Variants in SNX7 observed in about 807,000 individuals in gnomAD.
The protein encoded by SNX7 is sorting nexin-7.
A neutral mutation model predicts 48.4 loss-of-function variants in SNX7; 35 were observed. The ratio of observed to expected loss-of-function variants is 0.72; its 90% CI spans 0.55 to 0.96. SNX7 has a LOEUF of 0.96. SNX7 is among the 40% of genes least tolerant of loss of function. SNX7 has a pLI of 0.00. For synonymous variants in SNX7, 190 were observed against 190.2 expected, an observed-to-expected ratio of 1.00 and a Z score of 0.01; for missense variants, 553 against 548.9, an observed-to-expected ratio of 1.01 and a Z score of -0.07.
At chr1:98,688,258 A>G (rs1468144470) in intron 2 of SNX7, among the ~76,000 whole-genome samples, 1 of 152,206 alleles carries the variant, frequency 6.6e-6, no homozygotes, top group Non-Finnish European at 1.5e-5. Context: ...GGAATACTTA[A>G]GAATGATCCA....
chr1:98,751,413 A>G lies in SNX7; in HGVS notation c.1279-8641A>G, dbSNP rs78223109. ...CCATCTGTGTGTACTGCATTTAGGA[A>G]GGTTTTCAGCCTGTGTGTAGAAACA... is the stretch of plus-strand genomic sequence containing the variant. On this transcript the variant is annotated intron_variant, in intron 8 of 8. Coordinates refer to ENST00000306121, the MANE Select transcript of SNX7 (RefSeq NM_015976.5). 2.2e-4 allele frequency among the ~76,000 whole-genome samples: 33 copies of G among 152,134 alleles called. 1 individual carries two copies. In the East Asian group the frequency reaches 6.0e-3, roughly 28 times the overall value.
At chr1:98,704,901 T>C (rs977584078) in intron 7 of SNX7, among the ~76,000 whole-genome samples, 1 of 152,198 alleles carries the variant, frequency 6.6e-6, no homozygotes, top group Admixed American at 6.5e-5. Flanking sequence ...AGAGGAGTTA[T>C]AGTTATTGGG....
At chr1:98,752,173 G>A (rs1654617582) in intron 8 of SNX7, among the ~76,000 whole-genome samples, 1 of 151,962 alleles carries the variant, frequency 6.6e-6, no homozygotes. Context: ...CTCCAATTAT[G>A]ATCCTGAGGA....
chr1:98,694,305 G>C (rs1436440668), intron 4 of SNX7, among the ~76,000 whole-genome samples: 1 of 150,854 alleles, frequency 6.6e-6, no homozygotes, highest in Non-Finnish European at 1.5e-5. Flanking sequence ...GGGAGGCGGA[G>C]CTTGCAGTGA....
intron 7 of SNX7, among the ~76,000 whole-genome samples, chr1:98,713,699 A>G (rs116541269): frequency 6.6e-6 from 1 of 152,190 alleles, no homozygotes. Flanking sequence ...TTAATTGGTC[A>G]TATTTCAATA....
chr1:98,716,841 C>G (rs984111816), intron 7 of SNX7, among the ~76,000 whole-genome samples: 3 of 151,492 alleles, frequency 2.0e-5, no homozygotes. Flanking sequence ...CTTCTTTTAT[C>G]TTCTTTAAAA....
At chr1:98,678,362 A>G (rs1220396914) in intron 1 of SNX7, among the ~76,000 whole-genome samples, 1 of 152,210 alleles carries the variant, frequency 6.6e-6, no homozygotes. Flanking sequence ...GACACCTCCC[A>G]CTAGGCCTCA....
In SNX7 at chr1:98,758,298, T is replaced by C. The variant is rs553307165; in HGVS notation, c.1279-1756T>C. Among the ~76,000 whole-genome samples, 38 of 152,154 alleles carry C rather than the reference T, an allele frequency of 2.5e-4. 1 individual carries two copies. Among genetic ancestry groups the C allele is most frequent in the Admixed American group, 2.1e-3 (32 of 15,268 alleles). ...AGACATTTGGATACACTTAAAGATA[T>C]CTAAATTCTTCTCCTGTACCGTCTA... On this transcript the variant is annotated intron_variant, in intron 8 of 8. Coordinates refer to ENST00000306121, the MANE Select transcript of SNX7 (RefSeq NM_015976.5).
chr1:98,688,782 C>G (rs1377761104), intron 2 of SNX7, among the ~76,000 whole-genome samples: 1 of 152,140 alleles, frequency 6.6e-6, no homozygotes, highest in Non-Finnish European at 1.5e-5. Context: ...ATGTTAGAAG[C>G]ATTATTTATA....
chr1:98,726,063 A>G (rs532360200), intron 7 of SNX7, among the ~76,000 whole-genome samples: 1 of 152,254 alleles, frequency 6.6e-6, no homozygotes, highest in African/African-American at 2.4e-5. Context: ...ATTTAGGACA[A>G]TTCTGATACC....
At chr1:98,718,579 GATTT>G (rs907472174) in intron 7 of SNX7, among the ~76,000 whole-genome samples, 2 of 151,880 alleles carry the variant, frequency 1.3e-5, no homozygotes, top group African/African-American at 4.8e-5. Context: ...CCCAAATTAT[GATTT>G]ATTTGAAAAG....
chr1:98,733,047 T>C (rs962237711), intron 7 of SNX7, among the ~76,000 whole-genome samples: 4 of 152,130 alleles, frequency 2.6e-5, no homozygotes, highest in Non-Finnish European at 4.4e-5. Context: ...CAAAGTGTTA[T>C]TGGAAGCTTC....
At chr1:98,752,211 C>T (rs1313519122) in intron 8 of SNX7, among the ~76,000 whole-genome samples, 1 of 151,904 alleles carries the variant, frequency 6.6e-6, no homozygotes, top group Non-Finnish European at 1.5e-5. Context: ...AATAAATTAC[C>T]TAACTATATG....
intron 5 of SNX7, among the ~76,000 whole-genome samples, chr1:98,696,136 G>A (rs749177287): frequency 6.6e-5 from 10 of 151,502 alleles, no homozygotes; most frequent in South Asian, 2.1e-4. Context: ...AGAGATTTAC[G>A]TATTGGAAAA....
At chr1:98,720,695 A>G (rs1557820097) in intron 7 of SNX7, among the ~76,000 whole-genome samples, 2 of 152,166 alleles carry the variant, frequency 1.3e-5, no homozygotes, top group Non-Finnish European at 2.9e-5. Flanking sequence ...GCTGAATTTC[A>G]GTAGTCACAT....
chr1:98,661,741 G>A lies in SNX7; in HGVS notation c.10G>A (p.Glu4Lys), dbSNP rs1301404807. ...GGCGCGCACTCTCGGGATGGAGGGC[G>A]AGCGCCGGGCATCGCAGGCGCCCTC... MEGERRASQAPSSG... is the reference protein window; with the variant it reads MEGKRRASQAPSSG... The change falls in exon 1 of 9, where the codon GAG becomes AAG. Residue 4 changes from glutamate (E) to lysine (K), a missense_variant. Transcript: ENST00000306121. 3.2e-6 allele frequency: 4 copies of A among 1,231,140 alleles called. No individual in the cohort carries two copies. In the South Asian group the frequency reaches 1.2e-4, roughly 38 times the overall value. 76.3% of individuals were successfully genotyped at this position (1,231,140 alleles called of 1,614,324 possible).
At chr1:98,680,885 C>T (rs749371325) in intron 1 of SNX7, among the ~76,000 whole-genome samples, 1 of 152,212 alleles carries the variant, frequency 6.6e-6, no homozygotes, top group Non-Finnish European at 1.5e-5. Context: ...TTCATCTGAG[C>T]TCTCCAAACT....
At chr1:98,680,045 T>C (rs1157203347) in intron 1 of SNX7, among the ~76,000 whole-genome samples, 1 of 152,204 alleles carries the variant, frequency 6.6e-6, no homozygotes, top group African/African-American at 2.4e-5. Flanking sequence ...CCATGAGAGC[T>C]CCATCCCTAT....
intron 7 of SNX7, among the ~76,000 whole-genome samples, chr1:98,702,761 T>G (rs985539159): frequency 2.0e-5 from 3 of 152,140 alleles, no homozygotes; most frequent in Non-Finnish European, 2.9e-5. Flanking sequence ...AAAGCAGGTA[T>G]AGAAGTGGGA....
Sources: allele counts gnomAD v4.1 joint callset (sites outside exome capture counted in the v4.1 genomes callset), GRCh38; gene constraint gnomAD v4.1.1; transcripts MANE v1.5; gene names NCBI Gene and HGNC (gene_info 2026-07-23, HGNC 2026-07-21).